Variants in PTPRM observed in about 807,000 individuals in gnomAD.
PTPRM encodes receptor-type tyrosine-protein phosphatase mu.
Under a neutral mutation model 186.7 loss-of-function variants are expected in PTPRM, and 47 were observed. The observed-to-expected ratio is 0.25, with a 90% CI of 0.20 to 0.32. PTPRM has a LOEUF of 0.32. PTPRM is among the 10% of genes least tolerant of loss of function. The pLI, the probability that PTPRM is intolerant of heterozygous loss-of-function variation, is 1.00. For synonymous variants in PTPRM, 668 were observed against 674.9 expected, an observed-to-expected ratio of 0.99 and a Z score of 0.16; for missense variants, 1,494 against 1,865.0, an observed-to-expected ratio of 0.80 and a Z score of 3.66.
chr18:7,910,390 A>G (rs913450898), intron 4 of PTPRM, among the ~76,000 whole-genome samples: 2 of 152,244 alleles, frequency 1.3e-5, no homozygotes, highest in Non-Finnish European at 2.9e-5. Flanking sequence ...CAACAAAAGC[A>G]GAGATTTATT....
At chr18:7,608,687 C>G (rs1049062879) in intron 1 of PTPRM, among the ~76,000 whole-genome samples, 1 of 152,134 alleles carries the variant, frequency 6.6e-6, no homozygotes, top group African/African-American at 2.4e-5. Flanking sequence ...AGGGCCTGCT[C>G]CCATTCTTGC....
At chr18:8,281,698 A>AAAT (rs1175739250) in intron 19 of PTPRM, among the ~76,000 whole-genome samples, 3 of 152,172 alleles carry the variant, frequency 2.0e-5, no homozygotes, top group Non-Finnish European at 4.4e-5. Context: ...AAGTGGATTG[A>AAAT]GGTCCACAGA....
Position 8,236,736 on chromosome 18 carries a change from T to G in PTPRM, c.2301-7322T>G, listed in dbSNP as rs143887525. Among the ~76,000 whole-genome samples, 1,496 of 152,086 alleles carry G rather than the reference T, an allele frequency of 9.8e-3. 21 individuals carry two copies. Among genetic ancestry groups the G allele is most frequent in the African/African-American group, 0.034 (1,425 of 41,436 alleles). ...TTTGTATTTTTGGTAGAGACAGGGTTTCACCATGTTGCCCAGGGTGGTCTT... is the reference window on the plus strand; with the variant it reads ...TTTGTATTTTTGGTAGAGACAGGGTGTCACCATGTTGCCCAGGGTGGTCTT... On this transcript the variant is annotated intron_variant, in intron 14 of 32. Transcript: ENST00000580170.
At chr18:8,059,153 T>C (rs1476313242) in intron 7 of PTPRM, among the ~76,000 whole-genome samples, 1 of 151,456 alleles carries the variant, frequency 6.6e-6, no homozygotes, top group African/African-American at 2.4e-5. Flanking sequence ...GCAGTTCTCC[T>C]TGAAGAGGTC....
intron 9 of PTPRM, among the ~76,000 whole-genome samples, chr18:8,077,804 A>C (rs756287882): frequency 1.3e-5 from 2 of 152,222 alleles, no homozygotes; most frequent in African/African-American, 2.4e-5. Context: ...CCTAAAAGCC[A>C]CATGTTGCTA....
At chr18:7,631,449 C>A (rs1293056514) in intron 1 of PTPRM, among the ~76,000 whole-genome samples, 5 of 131,466 alleles carry the variant, frequency 3.8e-5, no homozygotes, top group South Asian at 2.3e-4. Context: ...AACTACAAGG[C>A]TGTTTTTTTT....
chr18:8,088,943 A>C, intron 11 of PTPRM, 92 bp downstream of exon 11: 1 of 972,840 alleles, frequency 1.0e-6, no homozygotes, highest in South Asian at 1.4e-5. Context: ...GATTTGCTGC[A>C]AATCTCAGCC....
At chr18:8,196,574 T>C (rs1043363278) in intron 14 of PTPRM, among the ~76,000 whole-genome samples, 6 of 152,220 alleles carry the variant, frequency 3.9e-5, no homozygotes, top group South Asian at 2.1e-4. Flanking sequence ...AGTAGAGAGA[T>C]TGGCAGAAAA....
At chr18:7,578,712 A>G (rs1284192345) in intron 1 of PTPRM, among the ~76,000 whole-genome samples, 2 of 150,908 alleles carry the variant, frequency 1.3e-5, no homozygotes, top group East Asian at 2.0e-4. Flanking sequence ...GGTTCAAGTG[A>G]TCCTCCCACC....
chr18:7,839,514 A>G (rs1199516148), intron 2 of PTPRM, among the ~76,000 whole-genome samples: 2 of 152,208 alleles, frequency 1.3e-5, no homozygotes, highest in African/African-American at 4.8e-5. Context: ...AGGGGGCCTC[A>G]TGATTCTGAG....
At chr18:8,402,401 C>A (rs1342928252) in intron 32 of PTPRM, among the ~76,000 whole-genome samples, 1 of 152,178 alleles carries the variant, frequency 6.6e-6, no homozygotes, top group African/African-American at 2.4e-5. Flanking sequence ...CAAGCAGCAG[C>A]TCCTTAGCAG....
chr18:7,758,335 G>GCA (rs1748031289), intron 1 of PTPRM, among the ~76,000 whole-genome samples: 1 of 152,170 alleles, frequency 6.6e-6, no homozygotes, highest in African/African-American at 2.4e-5. Flanking sequence ...GAGAATAGCA[G>GCA]CACCATTGCA....
At chr18:7,707,196 A>C (rs2040112818) in intron 1 of PTPRM, among the ~76,000 whole-genome samples, 1 of 152,198 alleles carries the variant, frequency 6.6e-6, no homozygotes, top group African/African-American at 2.4e-5. Flanking sequence ...TTAACTTTGT[A>C]TTATAGAAGT....
chr18:8,297,476 G>T (rs538350100), intron 20 of PTPRM, among the ~76,000 whole-genome samples: 1 of 152,290 alleles, frequency 6.6e-6, no homozygotes, highest in East Asian at 1.9e-4. Context: ...GAAATGTTTC[G>T]TGTCTATGCT....
At position 7,813,821 on chromosome 18, in the gene PTPRM, T is replaced by C. The variant is rs1027111769; in HGVS notation, c.196+39550T>C. Among the ~76,000 whole-genome samples the C allele has an allele frequency of 2.0e-5, 3 of 152,176 alleles. No homozygotes were observed. The East Asian group carries it at 5.8e-4, about 29-fold the overall frequency. On this transcript the variant is annotated intron_variant, in intron 2 of 32. Coordinates refer to ENST00000580170, the MANE Select transcript of PTPRM (RefSeq NM_001105244.2). The stretch of plus-strand genomic sequence containing the variant: ...GGGATAATTCTTTGGCTCTGTCTTC[T>C]AGATTACTAATTTATTCTTCAGCTG...
At chr18:7,711,341 C>T (rs1399090992) in intron 1 of PTPRM, among the ~76,000 whole-genome samples, 1 of 152,194 alleles carries the variant, frequency 6.6e-6, no homozygotes, top group Non-Finnish European at 1.5e-5. Context: ...AACCCACAGA[C>T]CAGGATATTC....
At chr18:7,879,028 T>G (rs1037702094) in intron 2 of PTPRM, among the ~76,000 whole-genome samples, 3 of 152,246 alleles carry the variant, frequency 2.0e-5, no homozygotes, top group African/African-American at 7.2e-5. Context: ...TTTGCTTTAC[T>G]CAGTGTTTGT....
At chr18:7,963,653 C>T (rs1218875894) in intron 7 of PTPRM, among the ~76,000 whole-genome samples, 1 of 152,084 alleles carries the variant, frequency 6.6e-6, no homozygotes, top group Admixed American at 6.6e-5. Flanking sequence ...AGATTGCAGT[C>T]GGGGGCCTGT....
intron 13 of PTPRM, among the ~76,000 whole-genome samples, chr18:8,136,777 G>A (rs1287997333): frequency 1.5e-4 from 16 of 105,560 alleles, no homozygotes; most frequent in Non-Finnish European, 2.0e-5. Context: ...TGTATAATGT[G>A]AAGAAGGAAC....
Sources: allele counts gnomAD v4.1 joint callset (sites outside exome capture counted in the v4.1 genomes callset), GRCh38; gene constraint gnomAD v4.1.1; transcripts MANE v1.5; gene names NCBI Gene and HGNC (gene_info 2026-07-23, HGNC 2026-07-21).